Variants in CAMKK2 observed in about 807,000 individuals in gnomAD.
CAMKK2 encodes calcium/calmodulin-dependent protein kinase kinase 2.
A neutral mutation model predicts 67.2 loss-of-function variants in CAMKK2; 30 were observed. The ratio of observed to expected loss-of-function variants is 0.45; its 90% CI spans 0.33 to 0.61. CAMKK2 has a LOEUF of 0.61. CAMKK2 is among the 20% of genes least tolerant of loss of function. The pLI, the probability that CAMKK2 is intolerant of heterozygous loss-of-function variation, is 0.02. For missense variants in CAMKK2, 643 were observed against 802.0 expected (o/e 0.80, Z 2.39); for synonymous variants, 322 against 326.2 (o/e 0.99, Z 0.14).
chr12:121,288,384 C>T (rs996877314), intron 1 of CAMKK2, among the ~76,000 whole-genome samples: 11 of 152,086 alleles, frequency 7.2e-5, no homozygotes, highest in Admixed American at 6.5e-5. Context: ...GCCTCCTCAG[C>T]TGAGGGACAA....
At chr12:121,262,483 G>C (rs953761574) in intron 6 of CAMKK2, among the ~76,000 whole-genome samples, 1 of 151,642 alleles carries the variant, frequency 6.6e-6, no homozygotes, top group Non-Finnish European at 1.5e-5. Context: ...CTGCACTCCA[G>C]CCTGGGCAAC....
At chr12:121,249,581 C>A (rs1890225558) in intron 13 of CAMKK2, among the ~76,000 whole-genome samples, 1 of 152,168 alleles carries the variant, frequency 6.6e-6, no homozygotes, top group African/African-American at 2.4e-5. Flanking sequence ...GGTCATAGAT[C>A]CCACTCCCAC....
chr12:121,288,583 C>T (rs1004420941), intron 1 of CAMKK2, among the ~76,000 whole-genome samples: 6 of 152,158 alleles, frequency 3.9e-5, no homozygotes, highest in Non-Finnish European at 7.4e-5. Flanking sequence ...CCCTGGCCCC[C>T]GCAAAACACT....
At chr12:121,282,835 A>T (rs1593477814) in intron 1 of CAMKK2, among the ~76,000 whole-genome samples, 1 of 151,852 alleles carries the variant, frequency 6.6e-6, no homozygotes, top group Non-Finnish European at 1.5e-5. Context: ...GCTTACTGCA[A>T]CCTCCGCCTC....
intron 13 of CAMKK2, 31 bp downstream of exon 13, chr12:121,249,756 G>A (rs202057045): frequency 8.2e-5 from 131 of 1,593,768 alleles, no homozygotes; most frequent in Non-Finnish European, 3.2e-5. Context: ...AAACAATTCC[G>A]AGCACGGGGC....
chr12:121,241,035 T>A (rs1411708604), intron 16 of CAMKK2, among the ~76,000 whole-genome samples, 166 bp from the exon 17 acceptor site: 1 of 152,160 alleles, frequency 6.6e-6, no homozygotes, highest in Admixed American at 6.5e-5. Flanking sequence ...TTTTCCTTGC[T>A]CACATAAATT....
chr12:121,240,989 T>A lies in CAMKK2; in HGVS notation c.1597-120A>T. ...GGGCCGTCGCGCACCCCCTGGAACG[T>A]GATCTACGTAACCCAGTCTTTGAGA... On this transcript the variant is annotated intron_variant, in intron 16 of 16. Coordinates refer to ENST00000404169, the MANE Select transcript of CAMKK2 (RefSeq NM_001270485.2). The surrounding 1 kb of genome is among the most constrained non-coding windows in gnomAD (Gnocchi z 4.4). The A allele has an allele frequency of 1.1e-6, 1 of 938,990 alleles. No homozygotes were observed. The highest frequency in any genetic ancestry group is 1.6e-6 in the Non-Finnish European group (1 of 615,324). The allele number at this position is 938,990 out of a possible 1,614,324, so 58.2% of individuals were successfully genotyped here. A position where few individuals can be genotyped will look rare whatever the true frequency, so the allele number is the denominator to read the frequency against.
rs141799996 is a variant in CAMKK2 at position 121,253,098 on chromosome 12, C to T, written c.1107+175G>A. On this transcript the variant is annotated intron_variant, in intron 10 of 16. Coordinates refer to ENST00000404169, the MANE Select transcript of CAMKK2 (RefSeq NM_001270485.2). The surrounding 1 kb of genome is among the most constrained non-coding windows in gnomAD (Gnocchi z 5.0). Reference sequence around the variant, plus strand: ...AATAAGAAAAACAACTGAAAGATGGCGGGAGATGGTTTCTGTTTGAGTCCC... The same window carrying T: ...AATAAGAAAAACAACTGAAAGATGGTGGGAGATGGTTTCTGTTTGAGTCCC... Among the ~76,000 whole-genome samples, 666 of 152,262 alleles carry T rather than the reference C, an allele frequency of 4.4e-3. 4 individuals are homozygous for T. The highest frequency in any genetic ancestry group is 0.015 in the African/African-American group (624 of 41,548).
At chr12:121,268,301 T>C (rs1895053243) in intron 5 of CAMKK2, among the ~76,000 whole-genome samples, 1 of 152,052 alleles carries the variant, frequency 6.6e-6, no homozygotes, top group African/African-American at 2.4e-5. Context: ...TACTGAGTCA[T>C]ACGGTAACAC....
intron 5 of CAMKK2, among the ~76,000 whole-genome samples, chr12:121,265,426 G>A (rs1894335246): frequency 6.6e-6 from 1 of 152,154 alleles, no homozygotes; most frequent in Non-Finnish European, 1.5e-5. Flanking sequence ...CTGGGGAAAG[G>A]GAGGTGCTAC....
intron 2 of CAMKK2, among the ~76,000 whole-genome samples, chr12:121,271,433 C>G (rs558152699): frequency 6.6e-6 from 1 of 152,174 alleles, no homozygotes; most frequent in Non-Finnish European, 1.5e-5. Context: ...CTTCTAACAA[C>G]GCTGATTTTG....
intron 1 of CAMKK2, among the ~76,000 whole-genome samples, chr12:121,281,735 G>A (rs1027484893): frequency 1.3e-5 from 2 of 152,206 alleles, no homozygotes; most frequent in Non-Finnish European, 2.9e-5. Flanking sequence ...ATCACCTGAG[G>A]TCAGGAGTTC....
upstream of CAMKK2, chr12:121,296,779 C>T (rs1006607987): frequency 6.8e-6 from 1 of 146,446 alleles, no homozygotes; most frequent in African/African-American, 2.5e-5. This position sits in a 1 kb window ranked among gnomAD's most constrained non-coding sequence, Gnocchi z 7.1. Flanking sequence ...GAGGAGCCGC[C>T]CGGCTCGGCT....
At chr12:121,280,106 G>T (rs1263953108) in intron 1 of CAMKK2, among the ~76,000 whole-genome samples, 1 of 152,200 alleles carries the variant, frequency 6.6e-6, no homozygotes, top group Non-Finnish European at 1.5e-5. Flanking sequence ...TCCTCCTTGG[G>T]AAAATGGGCT....
upstream of CAMKK2, chr12:121,296,799 C>T (rs2136710592): frequency 1.4e-5 from 2 of 146,336 alleles, no homozygotes; most frequent in South Asian, 2.1e-4. The surrounding 1 kb of genome is among the most constrained non-coding windows in gnomAD (Gnocchi z 7.1). Flanking sequence ...TTGGGCGCGT[C>T]GCCGCCCCGG....
At chr12:121,289,162 G>A (rs1329063675) in intron 1 of CAMKK2, among the ~76,000 whole-genome samples, 1 of 151,900 alleles carries the variant, frequency 6.6e-6, no homozygotes, top group African/African-American at 2.4e-5. Flanking sequence ...TCACCTCCTG[G>A]GCCTCCTTCC....
intron 14 of CAMKK2, among the ~76,000 whole-genome samples, chr12:121,246,258 G>C (rs965713207): frequency 3.9e-4 from 52 of 134,228 alleles, no homozygotes; most frequent in African/African-American, 1.2e-3. Context: ...AGGAGCGGGG[G>C]GGGGGAGGCG....
intron 6 of CAMKK2, among the ~76,000 whole-genome samples, chr12:121,262,974 T>TTTG (rs1238549129): frequency 2.4e-5 from 3 of 126,470 alleles, no homozygotes; most frequent in Non-Finnish European, 5.5e-5. Flanking sequence ...TCAAAAAAAG[T>TTTG]TTTTTTTTTT....
At position 121,240,637 on chromosome 12, in the gene CAMKK2, C is replaced by T. The variant is rs572216418; in HGVS notation, c.*62G>A. 4 of 1,537,850 alleles carry T rather than the reference C, an allele frequency of 2.6e-6. No homozygotes were observed. The highest frequency in any genetic ancestry group is 2.4e-5 in the South Asian group (2 of 84,338). On this transcript the variant is annotated 3_prime_UTR_variant, in exon 17 of 17. Transcript: ENST00000404169. This position sits in a 1 kb window ranked among gnomAD's most constrained non-coding sequence, Gnocchi z 4.4. ...TCCGTAGGACATGCTGCTATGGAAACGCGGTGCAGCAGCCCCCCAGAGGCG... is the reference window on the plus strand; with the variant it reads ...TCCGTAGGACATGCTGCTATGGAAATGCGGTGCAGCAGCCCCCCAGAGGCG...
Sources: allele counts gnomAD v4.1 joint callset (sites outside exome capture counted in the v4.1 genomes callset), GRCh38; gene constraint gnomAD v4.1.1; non-coding constraint Gnocchi (gnomAD v3.1); transcripts MANE v1.5; gene names NCBI Gene and HGNC (gene_info 2026-07-23, HGNC 2026-07-21).